PRPSAP1: variants seen among roughly 807,000 people sequenced by gnomAD.
The protein encoded by PRPSAP1 is phosphoribosyl pyrophosphate synthase-associated protein 1.
PRPSAP1 carries 31 observed loss-of-function variants against 39.4 expected under a neutral mutation model. The observed-to-expected ratio is 0.79, with a 90% confidence interval of 0.59 to 1.06. The LOEUF is 1.06. PRPSAP1 is among the 50% of genes least tolerant of loss of function. The pLI, the probability that PRPSAP1 is intolerant of heterozygous loss-of-function variation, is 0.00. For synonymous variants in PRPSAP1, 212 were observed against 192.6 expected, an observed-to-expected ratio of 1.10 and a Z score of -0.83; for missense variants, 430 against 511.6, an observed-to-expected ratio of 0.84 and a Z score of 1.54.
intron 7 of PRPSAP1, among the ~76,000 whole-genome samples, chr17:76,318,204 C>T (rs2071145348): frequency 6.6e-6 from 1 of 152,158 alleles, no homozygotes; most frequent in African/African-American, 2.4e-5. Flanking sequence ...AATTCCAGCA[C>T]TTTTAGAGGC....
chr17:76,346,049 T>C (rs1465331944), intron 2 of PRPSAP1: 3 of 412,772 alleles, frequency 7.3e-6, no homozygotes, highest in Non-Finnish European at 1.4e-5. Context: ...AATGACTCTA[T>C]GGGAAGTGGA....
At chr17:76,352,089 G>GAA (rs569043215) in intron 1 of PRPSAP1, among the ~76,000 whole-genome samples, 3 of 148,396 alleles carry the variant, frequency 2.0e-5, no homozygotes, top group African/African-American at 7.4e-5. Context: ...AAGCAGAGCT[G>GAA]AAAAAAAAAT....
intron 7 of PRPSAP1, among the ~76,000 whole-genome samples, chr17:76,318,855 A>T (rs1442223719): frequency 6.6e-6 from 1 of 152,224 alleles, no homozygotes; most frequent in Non-Finnish European, 1.5e-5. Context: ...TCCTCAGAAT[A>T]AATAATCTCA....
chr17:76,313,789 C>T (rs760365864), intron 8 of PRPSAP1, 32 bp downstream of exon 8: 1 of 1,612,374 alleles, frequency 6.2e-7, no homozygotes, highest in South Asian at 1.1e-5. Flanking sequence ...CCAGGAGTGC[C>T]ACCTCTGCAC....
At chr17:76,325,598 A>T (rs1598524132) in intron 7 of PRPSAP1, among the ~76,000 whole-genome samples, 3 of 118,976 alleles carry the variant, frequency 2.5e-5, no homozygotes, top group African/African-American at 3.5e-5. Flanking sequence ...ATGACTGCTA[A>T]TTTTTTTTTT....
At chr17:76,317,921 T>C (rs767109329) in intron 7 of PRPSAP1, among the ~76,000 whole-genome samples, 1 of 152,168 alleles carries the variant, frequency 6.6e-6, no homozygotes, top group African/African-American at 2.4e-5. Context: ...CCTTCATTCA[T>C]ACAACTTCTC....
At chr17:76,341,635 T>C (rs1473515751) in intron 3 of PRPSAP1, among the ~76,000 whole-genome samples, 1 of 152,198 alleles carries the variant, frequency 6.6e-6, no homozygotes, top group African/African-American at 2.4e-5. Context: ...CAATCAATCA[T>C]GCTTTTAGAA....
At chr17:76,329,074 A>AT (rs147960025) in intron 6 of PRPSAP1, 79,582 of 360,108 alleles carry the variant, frequency 0.22, 7,303 homozygotes, top group African/African-American at 0.44. Flanking sequence ...GATTCTAGAC[A>AT]TTTTTTTTTT....
At chr17:76,351,076 TA>T (rs1202688760) in intron 1 of PRPSAP1, among the ~76,000 whole-genome samples, 1 of 152,002 alleles carries the variant, frequency 6.6e-6, no homozygotes, top group Non-Finnish European at 1.5e-5. Flanking sequence ...AGGTAAACTT[TA>T]TGTTATGTAT....
intron 4 of PRPSAP1, among the ~76,000 whole-genome samples, chr17:76,331,958 C>T (rs2071326176): frequency 6.6e-6 from 1 of 151,916 alleles, no homozygotes; most frequent in Non-Finnish European, 1.5e-5. Flanking sequence ...ACCTGAAGAT[C>T]AAAAGATCAC....
Position 76,332,266 on chromosome 17 carries a change from C to G in PRPSAP1, c.460G>C (p.Ala154Pro), listed in dbSNP as rs1158288216. 1 of 1,614,042 alleles carries G rather than the reference C, an allele frequency of 6.2e-7. No individual in the cohort carries two copies. The highest frequency in any genetic ancestry group is 1.3e-5 in the African/African-American group (1 of 75,054). Residue 154 changes from alanine to proline, a missense_variant, in exon 4 of 10, where the codon GCA becomes CCA. Physicochemically the swap from Ala to Pro is conservative, Grantham distance 27. Transcript: ENST00000446526. ...CKLLASMLAKAGLTHIITMDL... is the reference protein window; with the variant it reads ...CKLLASMLAKPGLTHIITMDL... ...CAGGGCCCCCGCGCACACTCACCTG[C>G]TTTCGCCAGCATGGATGCTAGCAGC... is the stretch of plus-strand genomic sequence containing the variant.
intron 3 of PRPSAP1, among the ~76,000 whole-genome samples, chr17:76,342,521 G>C (rs2143533262): frequency 6.6e-6 from 1 of 152,040 alleles, no homozygotes; most frequent in East Asian, 1.9e-4. Context: ...TTCAAGACCA[G>C]CCTGGGCAAC....
chr17:76,319,038 C>T (rs138763592), intron 7 of PRPSAP1, among the ~76,000 whole-genome samples: 13,232 of 152,096 alleles, frequency 0.087, 1,236 homozygotes, highest in African/African-American at 0.23. Flanking sequence ...CTCCCAGGTT[C>T]AAGCGATTCT....
At position 76,312,983 on chromosome 17, in the gene PRPSAP1, C is replaced by A. The variant is rs2143445718; in HGVS notation, c.886G>T (p.Ala296Ser). 1 of 1,613,884 alleles carries A rather than the reference C, an allele frequency of 6.2e-7. No individual in the cohort carries two copies. Among genetic ancestry groups the A allele is most frequent in the South Asian group, 1.1e-5 (1 of 91,068 alleles). Reference protein sequence around the residue: ...DIIDDVESFVAAAEILKERGA... With the variant: ...DIIDDVESFVSAAEILKERGA... ...CTCTCTTTCAGGATCTCCGCGGCAG[C>A]AACAAAACTCTCCACATCGTCAATA... The change falls in exon 9 of 10, where the codon GCT (alanine) becomes TCT (serine). Residue 296 changes from alanine to serine, a missense_variant. Ala to Ser is a moderately conservative substitution (Grantham distance 99). This residue lies in a region of PRPSAP1 where 278 missense variants were observed against 376.3 expected (regional missense o/e 0.74). Coordinates refer to ENST00000446526, the MANE Select transcript of PRPSAP1 (RefSeq NM_002766.3).
At chr17:76,353,248 C>T (rs2071599433) in intron 1 of PRPSAP1, 3 of 388,404 alleles carry the variant, frequency 7.7e-6, no homozygotes, top group Non-Finnish European at 9.3e-6. Context: ...GAAAGCTCGG[C>T]CCGCCCCGGG....
chr17:76,320,600 T>G (rs2143470046), intron 7 of PRPSAP1, among the ~76,000 whole-genome samples: 1 of 150,532 alleles, frequency 6.6e-6, no homozygotes, highest in South Asian at 2.1e-4. Context: ...AATTTTTTTT[T>G]TTTTTTGTAT....
rs2071093345 is a variant in PRPSAP1, at chr17:76,313,832, C to T, written c.841G>A (p.Ala281Thr). The T allele has an allele frequency of 2.5e-6, 4 of 1,614,118 alleles. No individual in the cohort carries two copies. Among genetic ancestry groups the T allele is most frequent in the Middle Eastern group, 1.6e-4 (1 of 6,062 alleles). Residue 281 changes from alanine (A) to threonine (T), a missense_variant, in exon 8 of 10, where the codon GCA becomes ACA. Physicochemically the swap from Ala to Thr is moderately conservative, Grantham distance 58 (BLOSUM62 0). Coordinates refer to ENST00000446526, the MANE Select transcript of PRPSAP1 (RefSeq NM_002766.3). ...TVVGDVGGRI[A>T]IIVDDIIDDV... The stretch of plus-strand genomic sequence containing the variant: ...ACATATAACCATACCACGATGATTG[C>T]GATGCGGCCTCCAACATCTCCAACT...
chr17:76,349,691 G>T (rs2071547015), intron 1 of PRPSAP1, among the ~76,000 whole-genome samples: 1 of 151,042 alleles, frequency 6.6e-6, no homozygotes, highest in South Asian at 2.1e-4. Flanking sequence ...AATCCAGGAG[G>T]CAGAGGTTGC....
Position 76,311,444 on chromosome 17 carries a change from G to T in PRPSAP1, c.*98C>A. ...AAAAGAAGATATCTAACTCCAGGCT[G>T]TTTCGAGTCCTCCCTTGCAAGGAAA... is the stretch of plus-strand genomic sequence containing the variant. On this transcript the variant is annotated 3_prime_UTR_variant, in exon 10 of 10. Coordinates refer to ENST00000446526, the MANE Select transcript of PRPSAP1 (RefSeq NM_002766.3). 1.5e-6 allele frequency: 2 copies of T among 1,365,902 alleles called. No individual in the cohort carries two copies. The highest frequency in any genetic ancestry group is 9.9e-7 in the Non-Finnish European group (1 of 1,013,138). 84.6% of individuals were successfully genotyped at this position (1,365,902 alleles called of 1,614,324 possible).
Sources: allele counts gnomAD v4.1 joint callset (sites outside exome capture counted in the v4.1 genomes callset), GRCh38; gene constraint gnomAD v4.1.1; regional missense constraint gnomAD v4.1.1; transcripts MANE v1.5; gene names NCBI Gene and HGNC (gene_info 2026-07-23, HGNC 2026-07-21).